Variants in FAM168A observed in about 807,000 individuals in gnomAD.
The protein encoded by FAM168A is family with sequence similarity 168 member A.
A neutral mutation model predicts 28.5 loss-of-function variants in FAM168A; 3 were observed. The observed-to-expected ratio is 0.11, with a 90% CI of 0.05 to 0.27. The LOEUF is 0.27. FAM168A is among the 10% of genes least tolerant of loss of function. The pLI, the probability that FAM168A is intolerant of heterozygous loss-of-function variation, is 1.00. For synonymous variants in FAM168A, 122 were observed against 124.2 expected, an observed-to-expected ratio of 0.98 and a Z score of 0.12; for missense variants, 222 against 311.5, an observed-to-expected ratio of 0.71 and a Z score of 2.16.
chr11:73,549,964 C>T (rs551165966), intron 1 of FAM168A, among the ~76,000 whole-genome samples: 1 of 152,184 alleles, frequency 6.6e-6, no homozygotes, highest in African/African-American at 2.4e-5. Flanking sequence ...GAAGGAATTT[C>T]TTTTCCAAAT....
At chr11:73,569,415 T>C (rs1284372142) in intron 1 of FAM168A, among the ~76,000 whole-genome samples, 1 of 152,182 alleles carries the variant, frequency 6.6e-6, no homozygotes, top group Non-Finnish European at 1.5e-5. Context: ...TTTTGCTCGT[T>C]GGATTTGAGA....
intron 4 of FAM168A, among the ~76,000 whole-genome samples, chr11:73,414,018 A>G (rs1290008156): frequency 6.6e-6 from 1 of 152,198 alleles, no homozygotes; most frequent in African/African-American, 2.4e-5. Flanking sequence ...AGCCATGATC[A>G]CAACACTGTA....
In FAM168A at chr11:73,544,979, T is replaced by A. The variant is rs867554941; in HGVS notation, c.-19+52944A>T. ...ATTATATATAATATATATTATATAA[T>A]ATATTTTATATATAGTATATATAAT... On this transcript the variant is annotated intron_variant, in intron 1 of 7. Coordinates refer to ENST00000356467, the MANE Select transcript of FAM168A (RefSeq NM_015159.3). 2.9e-3 allele frequency among the ~76,000 whole-genome samples: 261 copies of A among 90,640 alleles called. 9 individuals are homozygous for A. The highest frequency in any genetic ancestry group is 0.015 in the African/African-American group (242 of 15,942). 59.5% of individuals were successfully genotyped at this position (90,640 alleles called of 152,430 possible). A position where few individuals can be genotyped will look rare whatever the true frequency, so the allele number is the denominator to read the frequency against.
At chr11:73,446,110 T>C (rs1867309088) in intron 2 of FAM168A, among the ~76,000 whole-genome samples, 1 of 152,246 alleles carries the variant, frequency 6.6e-6, no homozygotes, top group African/African-American at 2.4e-5. Flanking sequence ...CACTGTGTAC[T>C]CTGTGGGATT....
chr11:73,524,819 G>A (rs1943429885), intron 1 of FAM168A, among the ~76,000 whole-genome samples: 1 of 152,006 alleles, frequency 6.6e-6, no homozygotes, highest in Non-Finnish European at 1.5e-5. Flanking sequence ...GGCTGGTCTC[G>A]AACTCCTGGC....
intron 1 of FAM168A, among the ~76,000 whole-genome samples, chr11:73,500,203 T>C (rs868178724): frequency 6.6e-6 from 1 of 151,610 alleles, no homozygotes. Context: ...CCAGAAGAGA[T>C]TGGGGGCCAA....
intron 1 of FAM168A, among the ~76,000 whole-genome samples, chr11:73,522,530 G>T (rs1193486061): frequency 1.3e-5 from 2 of 151,800 alleles, no homozygotes; most frequent in Admixed American, 1.3e-4. Context: ...TAGAGATGGG[G>T]TTTTACTGTG....
chr11:73,539,714 CA>C (rs776375601), intron 1 of FAM168A, among the ~76,000 whole-genome samples: 107 of 152,340 alleles, frequency 7.0e-4, no homozygotes, highest in Admixed American at 1.6e-3. Context: ...CTAGATGCTT[CA>C]TTAAGTGTAA....
intron 2 of FAM168A, among the ~76,000 whole-genome samples, chr11:73,449,042 C>T (rs1182600248): frequency 6.6e-6 from 1 of 152,028 alleles, no homozygotes; most frequent in East Asian, 1.9e-4. Context: ...GTGGCATGAT[C>T]ATGGCTCACT....
chr11:73,593,564 C>T (rs1358788933), intron 1 of FAM168A, among the ~76,000 whole-genome samples: 1 of 152,152 alleles, frequency 6.6e-6, no homozygotes, highest in Admixed American at 6.5e-5. Context: ...AGACTGTAAA[C>T]ATGCAAATAT....
chr11:73,409,530 C>T lies in FAM168A; in HGVS notation c.552G>A (p.Val184=). ...APVAAPRTNG[V]AMGMVAGTTM... ...TGGTGCCTGCCACCATGCCCATGGC[C>T]ACACCGTTGGTCCTCGGGGCGGCAA... Residue 184 remains valine (V), a synonymous_variant, in exon 6 of 8, where the codon GTG becomes GTA. Coordinates refer to ENST00000356467, the MANE Select transcript of FAM168A (RefSeq NM_015159.3). The T allele has an allele frequency of 6.2e-7, 1 of 1,613,986 alleles. No homozygotes were observed. Among genetic ancestry groups the T allele is most frequent in the South Asian group, 1.1e-5 (1 of 91,030 alleles).
At chr11:73,595,423 G>C (rs1944431788) in intron 1 of FAM168A, among the ~76,000 whole-genome samples, 1 of 152,176 alleles carries the variant, frequency 6.6e-6, no homozygotes, top group Non-Finnish European at 1.5e-5. Context: ...TTGTTTGCGA[G>C]CTAAATTCTG....
At chr11:73,511,717 A>C (rs1855230068) in intron 1 of FAM168A, among the ~76,000 whole-genome samples, 1 of 152,150 alleles carries the variant, frequency 6.6e-6, no homozygotes. Flanking sequence ...TCAACTATTT[A>C]ATATCTAGAT....
At chr11:73,516,242 A>G (rs74345117) in intron 1 of FAM168A, among the ~76,000 whole-genome samples, 2,771 of 152,334 alleles carry the variant, frequency 0.018, 65 homozygotes, top group African/African-American at 0.056. Flanking sequence ...CAAAAGACCT[A>G]AATGTGTCCT....
intron 1 of FAM168A, among the ~76,000 whole-genome samples, chr11:73,587,894 T>C (rs1326369663): frequency 6.6e-6 from 1 of 152,024 alleles, no homozygotes; most frequent in Non-Finnish European, 1.5e-5. Context: ...GGATTACAGG[T>C]GTGTGCCACC....
At chr11:73,422,325 C>T (rs1023980687) in intron 3 of FAM168A, among the ~76,000 whole-genome samples, 9 of 152,004 alleles carry the variant, frequency 5.9e-5, no homozygotes, top group Non-Finnish European at 1.3e-4. Context: ...TCTTTATTTT[C>T]TTCTGGTTTC....
chr11:73,487,751 C>G (rs1207564716), intron 1 of FAM168A, among the ~76,000 whole-genome samples: 1 of 152,092 alleles, frequency 6.6e-6, no homozygotes, highest in African/African-American at 2.4e-5. Context: ...TTTCAAATAT[C>G]TCATTCGCCA....
At chr11:73,428,887 G>C (rs1866935859) in intron 3 of FAM168A, among the ~76,000 whole-genome samples, 3 of 152,130 alleles carry the variant, frequency 2.0e-5, no homozygotes, top group Admixed American at 6.5e-5. Context: ...TCATCTACAG[G>C]GTCTTCCAAA....
intron 1 of FAM168A, among the ~76,000 whole-genome samples, chr11:73,515,093 T>C (rs1457620102): frequency 6.6e-6 from 1 of 152,208 alleles, no homozygotes; most frequent in African/African-American, 2.4e-5. Context: ...AGAGGTGCCA[T>C]AATTTGTTCT....
Sources: gnomAD v4.1 joint callset for allele counts (sites outside exome capture counted in the v4.1 genomes callset) on GRCh38, gnomAD v4.1.1 for gene constraint, MANE v1.5 for transcripts, NCBI Gene and HGNC (gene_info 2026-07-23, HGNC 2026-07-21) for gene names.